NRG3: variants seen among roughly 807,000 people sequenced by gnomAD.
NRG3 encodes the protein pro-neuregulin-3, membrane-bound isoform.
In NRG3, 31 loss-of-function variants were observed where a neutral mutation model predicts 66.9. The observed-to-expected ratio is 0.46, with a 90% CI of 0.35 to 0.63. The LOEUF is 0.63. NRG3 is among the 20% of genes least tolerant of loss of function. The probability of loss-of-function intolerance (pLI) is 0.00; values close to 1 mark genes in which losing one functional copy is unlikely to be tolerated. For synonymous variants in NRG3, 393 were observed against 359.4 expected (o/e 1.09, Z -1.06); for missense variants, 910 against 878.9 (o/e 1.04, Z -0.45).
At chr10:82,352,481 G>A (rs2083495224) in intron 1 of NRG3, among the ~76,000 whole-genome samples, 2 of 152,182 alleles carry the variant, frequency 1.3e-5, no homozygotes, top group African/African-American at 4.8e-5. Flanking sequence ...AAAGAGTGGG[G>A]AGTAGTTCTG....
At chr10:82,510,957 A>T (rs1044138235) in intron 2 of NRG3, among the ~76,000 whole-genome samples, 9 of 152,214 alleles carry the variant, frequency 5.9e-5, no homozygotes, top group African/African-American at 2.2e-4. Flanking sequence ...ATAGAAAAGA[A>T]ATATTTATTA....
At chr10:82,893,828 A>T (rs545723830) in intron 4 of NRG3, among the ~76,000 whole-genome samples, 4 of 152,228 alleles carry the variant, frequency 2.6e-5, no homozygotes, top group Admixed American at 6.5e-5. Context: ...TAAACCAAAA[A>T]TTCCACCAAA....
At chr10:82,163,309 C>T (rs1036139421) in intron 1 of NRG3, among the ~76,000 whole-genome samples, 7 of 152,084 alleles carry the variant, frequency 4.6e-5, no homozygotes, top group African/African-American at 1.7e-4. Flanking sequence ...TACTTTGCAC[C>T]TTAAGCTCTG....
chr10:81,905,527 C>T (rs1393113670), intron 1 of NRG3, among the ~76,000 whole-genome samples: 1 of 152,052 alleles, frequency 6.6e-6, no homozygotes, highest in African/African-American at 2.4e-5. Flanking sequence ...CTTTTAGTGT[C>T]GTTTATATAG....
chr10:82,584,778 C>T (rs659570), intron 2 of NRG3, among the ~76,000 whole-genome samples: 13,399 of 152,084 alleles, frequency 0.088, 655 homozygotes, highest in East Asian at 0.15. Flanking sequence ...TTTGACAGAA[C>T]GCCAGCCATT....
intron 1 of NRG3, chr10:81,877,765 G>T: frequency 7.3e-7 from 1 of 1,363,320 alleles, no homozygotes; most frequent in Non-Finnish European, 9.4e-7. Flanking sequence ...TCTCTCCTTT[G>T]GCTGAAGCAG....
intron 3 of NRG3, among the ~76,000 whole-genome samples, chr10:82,787,108 CCT>C (rs2060401567): frequency 6.6e-6 from 1 of 152,170 alleles, no homozygotes; most frequent in African/African-American, 2.4e-5. Flanking sequence ...TGCACACACA[CCT>C]ATGACCTATG....
intron 2 of NRG3, among the ~76,000 whole-genome samples, chr10:82,460,961 C>T (rs954110123): frequency 3.3e-5 from 5 of 152,178 alleles, no homozygotes; most frequent in Non-Finnish European, 5.9e-5. Context: ...TGAAAGGTTT[C>T]TAAGTTATAC....
chr10:82,035,148 A>G (rs982501363), intron 1 of NRG3, among the ~76,000 whole-genome samples: 1 of 152,118 alleles, frequency 6.6e-6, no homozygotes, highest in African/African-American at 2.4e-5. Flanking sequence ...CATGCCTTCC[A>G]GAATCCAATA....
chr10:82,141,852 T>G (rs867363942), intron 1 of NRG3, among the ~76,000 whole-genome samples: 1 of 152,296 alleles, frequency 6.6e-6, no homozygotes, highest in African/African-American at 2.4e-5. Context: ...GTACAGTGGG[T>G]GCTATTGCTA....
chr10:82,985,080 A>G lies in NRG3; in HGVS notation c.1584-18A>G. The G allele has an allele frequency of 5.0e-6, 8 of 1,609,728 alleles. No homozygotes were observed. The highest frequency in any genetic ancestry group is 1.3e-5 in the African/African-American group (1 of 74,824). ...CCTGGTAGAAAGCAGAAGGAGTAAC[A>G]CTGTGTTTCTTTTTCAGGTATTCAT... On this transcript the variant is annotated intron_variant, in intron 8 of 8. Transcript: ENST00000372141.
At chr10:82,237,638 A>G (rs770901733) in intron 1 of NRG3, among the ~76,000 whole-genome samples, 2 of 152,074 alleles carry the variant, frequency 1.3e-5, no homozygotes, top group Non-Finnish European at 2.9e-5. Flanking sequence ...TGATCAATCA[A>G]CAATGATTTT....
chr10:82,801,768 G>A (rs2061050010), intron 3 of NRG3, among the ~76,000 whole-genome samples: 2 of 152,146 alleles, frequency 1.3e-5, no homozygotes, highest in South Asian at 4.1e-4. Flanking sequence ...TCTGGAGGAT[G>A]GATATATTCA....
chr10:82,644,704 G>A (rs146831291), intron 2 of NRG3, among the ~76,000 whole-genome samples: 27 of 152,248 alleles, frequency 1.8e-4, no homozygotes, highest in Middle Eastern at 3.4e-3. Flanking sequence ...GACAGAATGT[G>A]TGTGTCTATG....
chr10:82,144,672 C>T (rs1055326481), intron 1 of NRG3, among the ~76,000 whole-genome samples: 4 of 152,200 alleles, frequency 2.6e-5, no homozygotes, highest in African/African-American at 9.7e-5. Context: ...AACAGATGCA[C>T]AATGTTTTGT....
chr10:82,129,036 G>T (rs977503110), intron 1 of NRG3, among the ~76,000 whole-genome samples: 1 of 151,736 alleles, frequency 6.6e-6, no homozygotes, highest in Admixed American at 6.6e-5. Flanking sequence ...TCTCAGCCTC[G>T]CAAGTAGCTG....
intron 1 of NRG3, among the ~76,000 whole-genome samples, chr10:82,298,628 A>G (rs2080214440): frequency 6.6e-6 from 1 of 152,064 alleles, no homozygotes; most frequent in Non-Finnish European, 1.5e-5. Context: ...TCATTAGATT[A>G]TGCAAATAAT....
At chr10:82,977,564 G>A (rs1415045860) in intron 7 of NRG3, among the ~76,000 whole-genome samples, 5 of 148,856 alleles carry the variant, frequency 3.4e-5, no homozygotes, top group African/African-American at 1.2e-4. Flanking sequence ...AGCCAAGATC[G>A]TGCCACTGCA....
At chr10:82,809,486 T>C (rs2061411296) in intron 3 of NRG3, among the ~76,000 whole-genome samples, 1 of 152,146 alleles carries the variant, frequency 6.6e-6, no homozygotes, top group Non-Finnish European at 1.5e-5. Flanking sequence ...TCCTCTGAGA[T>C]GTAAATTATC....
Sources: allele counts gnomAD v4.1 joint callset (sites outside exome capture counted in the v4.1 genomes callset), GRCh38; gene constraint gnomAD v4.1.1; transcripts MANE v1.5; gene names NCBI Gene and HGNC (gene_info 2026-07-23, HGNC 2026-07-21).